The following HOOK3 variants were observed in gnomAD, a reference collection of about 807,000 sequenced individuals.
HOOK3 encodes the protein hook microtubule tethering protein 3, also known as protein Hook homolog 3.
A neutral mutation model predicts 116.3 loss-of-function variants in HOOK3; 24 were observed. That is an observed-to-expected ratio of 0.21 (90% CI 0.15 to 0.29). HOOK3 has a LOEUF of 0.29. Among genes scored for constraint, HOOK3 ranks in the 10% least tolerant of loss-of-function variants. The pLI, the probability that HOOK3 is intolerant of heterozygous loss-of-function variation, is 1.00. For synonymous variants in HOOK3, 275 were observed against 283.0 expected, an observed-to-expected ratio of 0.97 and a Z score of 0.28; for missense variants, 632 against 830.2, an observed-to-expected ratio of 0.76 and a Z score of 2.93.
chr8:43,023,387 C>CTCCTTCCTTCCT lies in HOOK3; in HGVS notation c.*4913_*4924dup, dbSNP rs146546928. ...CCACTTTGCTATCTCTCCTTCCTTCCTCCTTCCTTCCTTCCTTCCTTCCTT... is the reference window on the plus strand; with the variant it reads ...CCACTTTGCTATCTCTCCTTCCTTCCTCCTTCCTTCCTTCCTTCCTTCCTTCCTTCCTTCCTT... On this transcript the variant is annotated 3_prime_UTR_variant, in exon 22 of 22. Coordinates refer to ENST00000307602, the MANE Select transcript of HOOK3 (RefSeq NM_032410.4). 2,656 of 146,248 alleles carry CTCCTTCCTTCCT rather than the reference C, an allele frequency of 0.018. 56 individuals are homozygous for CTCCTTCCTTCCT. The highest frequency in any genetic ancestry group is 0.026 in the Non-Finnish European group (1,764 of 67,954). The allele number at this position is 146,248 out of a possible 1,614,324, so 9.1% of individuals were successfully genotyped here. A position where few individuals can be genotyped will look rare whatever the true frequency, so the allele number is the denominator to read the frequency against.
At chr8:42,937,663 G>C (rs1222275554) in intron 4 of HOOK3, among the ~76,000 whole-genome samples, 1 of 151,576 alleles carries the variant, frequency 6.6e-6, no homozygotes, top group African/African-American at 2.4e-5. Context: ...TAGTCATTCA[G>C]GAGCAGGTTG....
intron 8 of HOOK3, among the ~76,000 whole-genome samples, chr8:42,964,071 G>T (rs1316028610): frequency 2.0e-5 from 3 of 152,176 alleles, no homozygotes; most frequent in East Asian, 3.9e-4. Flanking sequence ...GCCAGGCGTG[G>T]TGGTGGGCGC....
intron 14 of HOOK3, among the ~76,000 whole-genome samples, chr8:42,982,901 CA>C (rs1362645390): frequency 3.3e-5 from 5 of 152,210 alleles, no homozygotes; most frequent in African/African-American, 1.2e-4. Flanking sequence ...TTCAATAAGA[CA>C]ATCTTTCACA....
chr8:42,946,499 CT>C (rs1475372435), intron 5 of HOOK3, among the ~76,000 whole-genome samples: 1 of 151,896 alleles, frequency 6.6e-6, no homozygotes, highest in Non-Finnish European at 1.5e-5. Context: ...GTTACTATTA[CT>C]TATGTTGAAG....
intron 5 of HOOK3, among the ~76,000 whole-genome samples, chr8:42,949,890 C>T (rs1808306470): frequency 6.6e-6 from 1 of 150,948 alleles, no homozygotes; most frequent in Admixed American, 6.6e-5. Flanking sequence ...GCACTCCAGC[C>T]TGGCGACAGA....
intron 9 of HOOK3, among the ~76,000 whole-genome samples, 182 bp downstream of exon 9, chr8:42,964,656 A>G (rs576525743): frequency 2.0e-5 from 3 of 152,112 alleles, no homozygotes; most frequent in East Asian, 3.9e-4. Flanking sequence ...AGGAAACCCC[A>G]TCTCTACTAA....
chr8:43,028,635 G>A lies in HOOK3; in HGVS notation c.*10137G>A, dbSNP rs1342561171. On this transcript the variant is annotated 3_prime_UTR_variant, in exon 22 of 22. Transcript: ENST00000307602. ...TATTATGAATCAAATTAAGTTTTAT[G>A]TATAAGGCATTTACTATTCCAGTGA... 1 of 190,882 alleles carries A rather than the reference G, an allele frequency of 5.2e-6. No individual in the cohort carries two copies. Among genetic ancestry groups the A allele is most frequent in the Admixed American group, 6.1e-5 (1 of 16,274 alleles). The allele number at this position is 190,882 out of a possible 1,614,324, so 11.8% of individuals were successfully genotyped here. A position where few individuals can be genotyped will look rare whatever the true frequency, so the allele number is the denominator to read the frequency against.
At chr8:42,921,828 G>C in intron 2 of HOOK3, among the ~76,000 whole-genome samples, 1 of 152,166 alleles carries the variant, frequency 6.6e-6, no homozygotes, top group East Asian at 1.9e-4. Flanking sequence ...GAAAAGGCTG[G>C]TGTATGGAGA....
At position 43,026,133 on chromosome 8, in the gene HOOK3, AATTACTTTAGCAG is replaced by A. The variant is rs1809929508; in HGVS notation, c.*7636_*7648del. 1 of 207,510 alleles carries A rather than the reference AATTACTTTAGCAG, an allele frequency of 4.8e-6. No homozygotes were observed. Among genetic ancestry groups the A allele is most frequent in the East Asian group, 7.4e-5 (1 of 13,582 alleles). The allele number at this position is 207,510 out of a possible 1,614,324, so 12.9% of individuals were successfully genotyped here. A position where few individuals can be genotyped will look rare whatever the true frequency, so the allele number is the denominator to read the frequency against. ...GGTAACTAGCTTGATGAAGGAAAAT[AATTACTTTAGCAG>A]TTATGTTGTAAAATTAATAAAAAGG... On this transcript the variant is annotated 3_prime_UTR_variant, in exon 22 of 22. Transcript: ENST00000307602.
chr8:42,973,288 GGTA>G lies in HOOK3; in HGVS notation c.1127_1129del (p.Val376del). On this transcript the variant is annotated inframe_deletion and splice_region_variant, in exon 12 of 22. Transcript: ENST00000307602. ...TAAGTAATGGTATCTTTCTGTATCA[GGTA>G]GTAGAACTACAAAACAGATTATCCG... 1 of 1,605,272 alleles carries G rather than the reference GGTA, an allele frequency of 6.2e-7. No individual in the cohort carries two copies. The highest frequency in any genetic ancestry group is 1.7e-5 in the Admixed American group (1 of 57,540).
intron 5 of HOOK3, among the ~76,000 whole-genome samples, chr8:42,944,651 T>A (rs1258873783): frequency 6.6e-6 from 1 of 151,600 alleles, no homozygotes; most frequent in Non-Finnish European, 1.5e-5. Flanking sequence ...AAACCCCATC[T>A]CTACTAAAAA....
intron 13 of HOOK3, among the ~76,000 whole-genome samples, chr8:42,982,142 C>T (rs1162031447): frequency 6.7e-6 from 1 of 150,016 alleles, no homozygotes; most frequent in Non-Finnish European, 1.5e-5. Context: ...GTAATCCCAG[C>T]TACTTGGGAG....
chr8:42,924,592 G>A (rs986551023), intron 2 of HOOK3, among the ~76,000 whole-genome samples: 4 of 152,088 alleles, frequency 2.6e-5, no homozygotes, highest in Non-Finnish European at 5.9e-5. Context: ...TGTTATTGGT[G>A]ACCTTTGAAG....
chr8:42,898,137 G>A (rs1004458083), intron 1 of HOOK3, among the ~76,000 whole-genome samples: 22 of 152,272 alleles, frequency 1.4e-4, no homozygotes, highest in Non-Finnish European at 1.6e-4. Flanking sequence ...AGGATCCCTG[G>A]AGTGTAGACG....
intron 1 of HOOK3, among the ~76,000 whole-genome samples, chr8:42,899,089 G>A (rs1373172609): frequency 6.6e-6 from 1 of 152,158 alleles, no homozygotes; most frequent in Non-Finnish European, 1.5e-5. Context: ...CTAAGTTGGG[G>A]ACCGTCTGTA....
In HOOK3 at chr8:43,028,915, TATG is replaced by T. The variant is rs1809979020; in HGVS notation, c.*10423_*10425del. 1.5e-5 allele frequency: 3 copies of T among 202,536 alleles called. No homozygotes were observed. Among genetic ancestry groups the T allele is most frequent in the South Asian group, 1.9e-4 (1 of 5,270 alleles). 12.5% of individuals were successfully genotyped at this position (202,536 alleles called of 1,614,324 possible). ...CAGCAGTGTCGAATTCCAAGCAAGT[TATG>T]ATGATTCTTATTGTAGTTCAAGTAC... On this transcript the variant is annotated 3_prime_UTR_variant, in exon 22 of 22. Coordinates refer to ENST00000307602, the MANE Select transcript of HOOK3 (RefSeq NM_032410.4).
At chr8:42,911,157 A>T (rs981266451) in intron 2 of HOOK3, among the ~76,000 whole-genome samples, 1 of 152,186 alleles carries the variant, frequency 6.6e-6, no homozygotes, top group African/African-American at 2.4e-5. Context: ...TCTTTATTCT[A>T]AGAGCTGTAA....
At chr8:42,976,796 C>T (rs943134331) in intron 13 of HOOK3, among the ~76,000 whole-genome samples, 1 of 152,134 alleles carries the variant, frequency 6.6e-6, no homozygotes, top group Non-Finnish European at 1.5e-5. Flanking sequence ...ACTCAGGAGG[C>T]TGAGGCATGA....
chr8:43,015,169 A>G (rs1235056238), intron 21 of HOOK3, among the ~76,000 whole-genome samples: 1 of 152,102 alleles, frequency 6.6e-6, no homozygotes, highest in African/African-American at 2.4e-5. Flanking sequence ...CTGCATATCT[A>G]AGATTTTATT....
Sources: gnomAD v4.1 joint callset for allele counts (sites outside exome capture counted in the v4.1 genomes callset) on GRCh38, gnomAD v4.1.1 for gene constraint, MANE v1.5 for transcripts, NCBI Gene and HGNC (gene_info 2026-07-23, HGNC 2026-07-21) for gene names.